CEP128: variants seen among roughly 807,000 people sequenced by gnomAD.
CEP128 encodes the protein centrosomal protein 128.
In CEP128, 132 loss-of-function variants were observed where a neutral mutation model predicts 156.7. That is an observed-to-expected ratio of 0.84 (90% CI 0.73 to 0.97). The LOEUF is 0.97. CEP128 is among the 50% of genes least tolerant of loss of function. The pLI is 0.00. For missense variants in CEP128, 1,252 were observed against 1,281.9 expected, an observed-to-expected ratio of 0.98 and a Z score of 0.36; for synonymous variants, 469 against 448.9, an observed-to-expected ratio of 1.04 and a Z score of -0.57.
chr14:80,609,760 A>C (rs1015146437), intron 19 of CEP128, among the ~76,000 whole-genome samples: 9 of 152,176 alleles, frequency 5.9e-5, no homozygotes, highest in African/African-American at 2.2e-4. Context: ...GAAAGAATGC[A>C]ATAAGAAGGA....
At position 80,792,768 on chromosome 14, in the gene CEP128, T is replaced by G; in HGVS notation, c.1552A>C (p.Asn518His). Reference sequence around the variant, plus strand: ...GAATGTGGCTTTTATACCTGATTATTCTTGCCTGTCAGTTCATCAACAGTT... The same window carrying G: ...GAATGTGGCTTTTATACCTGATTATGCTTGCCTGTCAGTTCATCAACAGTT... ...SETVDELTGK[N>H]NQILKEKDEL... The change falls in exon 14 of 25, where the codon AAT becomes CAT. Residue 518 changes from asparagine (N) to histidine (H), a missense_variant. Coordinates refer to ENST00000555265, the MANE Select transcript of CEP128 (RefSeq NM_152446.5). 6.2e-7 allele frequency: 1 copy of G among 1,613,426 alleles called. No homozygotes were observed. The highest frequency in any genetic ancestry group is 8.5e-7 in the Non-Finnish European group (1 of 1,179,410).
At chr14:80,776,298 C>T (rs1403095273) in intron 16 of CEP128, among the ~76,000 whole-genome samples, 1 of 151,658 alleles carries the variant, frequency 6.6e-6, no homozygotes, top group East Asian at 1.9e-4. Context: ...CTACAACCTG[C>T]CAATAGATAC....
intron 17 of CEP128, 147 bp downstream of exon 17, chr14:80,761,290 C>T (rs1167855607): frequency 1.9e-5 from 10 of 536,178 alleles, no homozygotes; most frequent in South Asian, 7.7e-5. Context: ...ATAGATCCAG[C>T]GCCTTATTCT....
chr14:80,761,306 A>T, intron 17 of CEP128, 131 bp downstream of exon 17: 3 of 657,878 alleles, frequency 4.6e-6, no homozygotes, highest in Non-Finnish European at 7.2e-6. Flanking sequence ...ATTCTAAAAA[A>T]TGCAAAATGT....
intron 20 of CEP128, among the ~76,000 whole-genome samples, chr14:80,570,739 C>CT (rs537124115): frequency 2.1e-5 from 3 of 145,666 alleles, no homozygotes; most frequent in Admixed American, 6.7e-5. Flanking sequence ...ACAATAAATT[C>CT]TTTTTTTTAT....
intron 19 of CEP128, among the ~76,000 whole-genome samples, chr14:80,685,355 G>GA (rs897950429): frequency 8.0e-5 from 12 of 149,810 alleles, no homozygotes; most frequent in East Asian, 1.9e-4. Flanking sequence ...CAACAGCCAT[G>GA]AAAAAAAAAT....
In CEP128 at chr14:80,680,033, C is replaced by T. The variant is rs75662225; in HGVS notation, c.2806+63042G>A. Among the ~76,000 whole-genome samples, 170 of 152,292 alleles carry T rather than the reference C, an allele frequency of 1.1e-3. 1 individual carries two copies. Among genetic ancestry groups the T allele is most frequent in the African/African-American group, 3.8e-3 (160 of 41,564 alleles). On this transcript the variant is annotated intron_variant, in intron 19 of 24. Transcript: ENST00000555265. ...GCCAGTCTGTGTGGCAGCGTAGTTG[C>T]GCATGCATTTTAGTCTTGAGCCAGA...
intron 19 of CEP128, among the ~76,000 whole-genome samples, chr14:80,736,679 C>A (rs149099337): frequency 1.3e-5 from 2 of 152,200 alleles, no homozygotes; most frequent in East Asian, 3.9e-4. Flanking sequence ...TTAAGTTCAT[C>A]CAATAGAAGT....
chr14:80,568,901 A>ATTTTAACTGT (rs1189348607), intron 20 of CEP128, among the ~76,000 whole-genome samples: 1 of 152,188 alleles, frequency 6.6e-6, no homozygotes, highest in Non-Finnish European at 1.5e-5. Flanking sequence ...GCAGATGTAT[A>ATTTTAACTGT]TTAACTGTTC....
downstream of CEP128, among the ~76,000 whole-genome samples, chr14:80,495,302 G>T (rs1887454839): frequency 1.3e-5 from 2 of 152,074 alleles, no homozygotes; most frequent in South Asian, 4.1e-4. Context: ...CATTCTTTTT[G>T]ATTTCCAACT....
At chr14:80,887,650 G>C (rs1027274138) in intron 8 of CEP128, among the ~76,000 whole-genome samples, 2 of 152,122 alleles carry the variant, frequency 1.3e-5, no homozygotes, top group Admixed American at 1.3e-4. Context: ...GAAATTTAAA[G>C]TACTAAATGC....
intron 20 of CEP128, among the ~76,000 whole-genome samples, chr14:80,578,126 A>G (rs1313421104): frequency 1.3e-5 from 2 of 152,170 alleles, no homozygotes; most frequent in Non-Finnish European, 2.9e-5. Flanking sequence ...TTTTCCTTTA[A>G]TATGAATTTT....
At chr14:80,892,079 G>C (rs74894132) in intron 8 of CEP128, among the ~76,000 whole-genome samples, 1 of 151,076 alleles carries the variant, frequency 6.6e-6, no homozygotes, top group Non-Finnish European at 1.5e-5. Flanking sequence ...CCTAAAATTT[G>C]TATGGAAACA....
intron 2 of CEP128, among the ~76,000 whole-genome samples, chr14:80,926,015 A>G (rs764384404): frequency 5.3e-5 from 8 of 152,170 alleles, no homozygotes; most frequent in Non-Finnish European, 1.2e-4. Flanking sequence ...TCCTGATCCT[A>G]CCTCACAGGG....
Position 80,822,716 on chromosome 14 carries a change from G to A in CEP128, c.1209+8427C>T, listed in dbSNP as rs894044052. On this transcript the variant is annotated intron_variant, in intron 13 of 24. Coordinates refer to ENST00000555265, the MANE Select transcript of CEP128 (RefSeq NM_152446.5). ...AAAGGGAAAAGCTGATGCTGGCAAG[G>A]AGGGGAATAGCCCTGTAGAAAATGG... The A allele has an allele frequency of 7.0e-6, 6 of 854,340 alleles. No individual in the cohort carries two copies. The African/African-American group carries it at 9.9e-5, about 14-fold the overall frequency. The allele number at this position is 854,340 out of a possible 1,614,324, so 52.9% of individuals were successfully genotyped here.
intron 15 of CEP128, among the ~76,000 whole-genome samples, chr14:80,779,866 G>A (rs999682959): frequency 3.9e-5 from 6 of 152,276 alleles, no homozygotes; most frequent in Middle Eastern, 6.8e-3. Context: ...CAGTGATATA[G>A]AAGGACATTA....
intron 8 of CEP128, among the ~76,000 whole-genome samples, chr14:80,894,243 T>G (rs752449746): frequency 1.3e-5 from 2 of 151,922 alleles, no homozygotes; most frequent in Non-Finnish European, 2.9e-5. Flanking sequence ...TTCAGCAGTT[T>G]CCTTTGTCAA....
chr14:80,619,407 A>ACAC (rs1893375329), intron 19 of CEP128, among the ~76,000 whole-genome samples: 2 of 73,830 alleles, frequency 2.7e-5, no homozygotes, highest in African/African-American at 5.8e-5. Flanking sequence ...CACACACACA[A>ACAC]ATAGAAAACA....
At chr14:80,681,189 C>T (rs1442647081) in intron 19 of CEP128, among the ~76,000 whole-genome samples, 2 of 151,200 alleles carry the variant, frequency 1.3e-5, no homozygotes, top group African/African-American at 2.4e-5. Context: ...CACTCCCTAG[C>T]GAGGAAGGGA....
Sources: allele counts gnomAD v4.1 joint callset (sites outside exome capture counted in the v4.1 genomes callset), GRCh38; gene constraint gnomAD v4.1.1; transcripts MANE v1.5; gene names NCBI Gene and HGNC (gene_info 2026-07-23, HGNC 2026-07-21).